The following SERPINB11 variants were observed in gnomAD, a reference collection of about 807,000 sequenced individuals.
The protein encoded by SERPINB11 is serpin family B member 11.
SERPINB11 carries 32 observed loss-of-function variants against 36.7 expected under a neutral mutation model. That is an observed-to-expected ratio of 0.87 (90% CI 0.66 to 1.17). The LOEUF is 1.17. Ranked by LOEUF, SERPINB11 falls within the 50% of genes most tolerant of loss-of-function variation. The pLI is 0.00. For synonymous variants in SERPINB11, 174 were observed against 168.1 expected (o/e 1.04, Z -0.27); for missense variants, 528 against 458.4 (o/e 1.15, Z -1.39).
intron 1 of SERPINB11, among the ~76,000 whole-genome samples, chr18:63,709,850 T>C (rs1914471285): frequency 6.6e-6 from 1 of 152,100 alleles, no homozygotes; most frequent in South Asian, 2.1e-4. Flanking sequence ...TCTTAAAGCA[T>C]GGAAATTCAG....
intron 1 of SERPINB11, 39 bp from the exon 2 acceptor site, chr18:63,710,140 C>T (rs2144534342): frequency 6.7e-7 from 1 of 1,501,076 alleles, no homozygotes; most frequent in African/African-American, 1.4e-5. Flanking sequence ...TCTGTAACTT[C>T]AAGTGATGTT....
At chr18:63,721,516 A>G (rs890787241) in intron 7 of SERPINB11, among the ~76,000 whole-genome samples, 2 of 152,248 alleles carry the variant, frequency 1.3e-5, no homozygotes, top group Non-Finnish European at 2.9e-5. Flanking sequence ...GCTGCCCAGC[A>G]TAGAGCAGGC....
intron 1 of SERPINB11, chr18:63,705,397 G>A (rs905728532): frequency 2.6e-5 from 4 of 152,154 alleles, no homozygotes; most frequent in African/African-American, 9.7e-5. Flanking sequence ...AAATGCGTAA[G>A]ATAAAGAAAT....
chr18:63,720,231 T>C (rs975814927), intron 6 of SERPINB11, 76 bp downstream of exon 6: 5 of 1,247,602 alleles, frequency 4.0e-6, no homozygotes, highest in Admixed American at 4.9e-5. Context: ...TAGAAAGATG[T>C]AGTGATTTAG....
At chr18:63,715,738 G>C (rs899902586) in intron 4 of SERPINB11, among the ~76,000 whole-genome samples, 2 of 152,112 alleles carry the variant, frequency 1.3e-5, no homozygotes, top group Non-Finnish European at 2.9e-5. Flanking sequence ...GAGTCAGAAG[G>C]TGCTCATGTA....
At chr18:63,706,213 T>C (rs1376249777) in intron 1 of SERPINB11, among the ~76,000 whole-genome samples, 1 of 152,220 alleles carries the variant, frequency 6.6e-6, no homozygotes, top group East Asian at 1.9e-4. Context: ...ATTACAGGAT[T>C]TGTGAATTTT....
chr18:63,717,061 T>A lies in SERPINB11; in HGVS notation c.475+909T>A, dbSNP rs1376611381. On this transcript the variant is annotated intron_variant, in intron 5 of 7. Transcript: ENST00000544088. ...CCTCTTCTGGAAATAAGCCCCTTTT[T>A]TCCCAAATGTTAAGGCTTCTCTGAC... is the stretch of plus-strand genomic sequence containing the variant. Among the ~76,000 whole-genome samples the A allele has an allele frequency of 2.6e-5, 4 of 152,212 alleles. 1 individual carries two copies. In the South Asian group the frequency reaches 8.3e-4, roughly 32 times the overall value.
chr18:63,716,209 A>T, intron 5 of SERPINB11, 57 bp downstream of exon 5: 1 of 1,111,384 alleles, frequency 9.0e-7, no homozygotes, highest in South Asian at 1.4e-5. Context: ...AAGCAACCTG[A>T]GTCCACTTGC....
intron 5 of SERPINB11, among the ~76,000 whole-genome samples, chr18:63,719,111 A>G (rs575465446): frequency 1.4e-4 from 22 of 152,128 alleles, no homozygotes; most frequent in Admixed American, 2.0e-4. Context: ...AGTGCCCAGC[A>G]TTTAGAAAAT....
At chr18:63,719,014 C>CA (rs1360948000) in intron 5 of SERPINB11, among the ~76,000 whole-genome samples, 1 of 151,940 alleles carries the variant, frequency 6.6e-6, no homozygotes, top group African/African-American at 2.4e-5. Flanking sequence ...ACAATTGAGC[C>CA]AGTAGACACT....
At chr18:63,719,754 A>G (rs1169413601) in intron 5 of SERPINB11, among the ~76,000 whole-genome samples, 1 of 152,130 alleles carries the variant, frequency 6.6e-6, no homozygotes, top group East Asian at 1.9e-4. Context: ...TAGGCATAAG[A>G]CAAATTGATC....
rs1407511560 is a variant in SERPINB11 at position 63,714,923 on chromosome 18, C to T, written c.358-1112C>T. ...TATTGATTAGGGAAGTGATAAATGT[C>T]CATGAAATCTTCACAATTTATGTTC... On this transcript the variant is annotated intron_variant, in intron 4 of 7. Coordinates refer to ENST00000544088, the MANE Select transcript of SERPINB11 (RefSeq NM_001370475.1). 4.6e-5 allele frequency among the ~76,000 whole-genome samples: 7 copies of T among 152,174 alleles called. No individual in the cohort carries two copies. In the East Asian group the frequency reaches 1.4e-3, roughly 29 times the overall value.
intron 1 of SERPINB11, among the ~76,000 whole-genome samples, chr18:63,709,483 C>T (rs1213393709): frequency 6.6e-6 from 1 of 151,868 alleles, no homozygotes; most frequent in Non-Finnish European, 1.5e-5. Flanking sequence ...TGGTGGCAGG[C>T]GCCTGTAGTC....
rs1506419 is a variant in SERPINB11 at position 63,720,099 on chromosome 18, T to A, written c.562T>A (p.Trp188Arg). ...LVNAIYFKGQWQNKFQVRETV... is the reference protein window; with the variant it reads ...LVNAIYFKGQRQNKFQVRETV... ...GAATGCCATATATTTCAAAGGACAATGGCAAAATAAATTTCAAGTAAGAGA... is the reference window on the plus strand; with the variant it reads ...GAATGCCATATATTTCAAAGGACAAAGGCAAAATAAATTTCAAGTAAGAGA... The change falls in exon 6 of 8, where the codon TGG becomes AGG. Residue 188 changes from tryptophan to arginine, a missense_variant. Transcript: ENST00000544088. 497,641 of 1,599,698 alleles carry A rather than the reference T, an allele frequency of 0.31. 83,847 individuals carry two copies. Among genetic ancestry groups the A allele is most frequent in the East Asian group, 0.59 (26,201 of 44,540 alleles).
At chr18:63,717,944 C>T (rs535509943) in intron 5 of SERPINB11, among the ~76,000 whole-genome samples, 7 of 151,966 alleles carry the variant, frequency 4.6e-5, no homozygotes, top group South Asian at 2.1e-4. Flanking sequence ...AAAATATTTT[C>T]GTATGTTATT....
At chr18:63,720,759 T>C (rs12607732) in intron 6 of SERPINB11, 72 bp from the exon 7 acceptor site, 550,947 of 1,122,272 alleles carry the variant, frequency 0.49, 139,648 homozygotes, top group Non-Finnish European at 0.54. Flanking sequence ...ATCCGTGTTA[T>C]GCAAGGTAAT....
chr18:63,723,631 TGTGGTGTCTC>T lies in SERPINB11; in HGVS notation c.*233_*242del. The T allele has an allele frequency of 2.2e-6, 1 of 444,970 alleles. No homozygotes were observed. Among genetic ancestry groups the T allele is most frequent in the South Asian group, 6.0e-5 (1 of 16,644 alleles). 27.6% of individuals were successfully genotyped at this position (444,970 alleles called of 1,614,324 possible). A position where few individuals can be genotyped will look rare whatever the true frequency, so the allele number is the denominator to read the frequency against. On this transcript the variant is annotated 3_prime_UTR_variant, in exon 8 of 8. Coordinates refer to ENST00000544088, the MANE Select transcript of SERPINB11 (RefSeq NM_001370475.1). ...AGAAAGCCTTTCTGGCTTTCTTATCTGTGGTGTCTCATTTGAGTGCTGTCCAGTGACATGA... is the reference window on the plus strand; with the variant it reads ...AGAAAGCCTTTCTGGCTTTCTTATCTATTTGAGTGCTGTCCAGTGACATGA...
intron 2 of SERPINB11, 42 bp from the exon 3 acceptor site, chr18:63,711,293 A>C (rs1345097045): frequency 1.5e-6 from 2 of 1,368,188 alleles, no homozygotes; most frequent in South Asian, 1.2e-5. Context: ...TAGACTGTAC[A>C]TTGCTTCTGA....
At chr18:63,715,964 C>A in intron 4 of SERPINB11, 71 bp from the exon 5 acceptor site, 1 of 898,560 alleles carries the variant, frequency 1.1e-6, no homozygotes, top group Non-Finnish European at 1.7e-6. Flanking sequence ...TTTTAGAATA[C>A]ATTGAGCTGT....
Sources: allele counts gnomAD v4.1 joint callset (sites outside exome capture counted in the v4.1 genomes callset), GRCh38; gene constraint gnomAD v4.1.1; transcripts MANE v1.5; gene names NCBI Gene and HGNC (gene_info 2026-07-23, HGNC 2026-07-21).